The following TMF1 variants were observed in gnomAD, a reference collection of about 807,000 sequenced individuals.
TMF1 encodes the protein TATA element modulatory factor.
TMF1 carries 71 observed loss-of-function variants against 126.5 expected under a neutral mutation model. The ratio of observed to expected loss-of-function variants is 0.56; its 90% CI spans 0.46 to 0.68. TMF1 has a LOEUF of 0.68. TMF1 is among the 30% of genes least tolerant of loss of function. TMF1 has a pLI of 0.00. For missense variants in TMF1, 1,259 were observed against 1,253.2 expected, an observed-to-expected ratio of 1.00 and a Z score of -0.07; for synonymous variants, 461 against 430.5, an observed-to-expected ratio of 1.07 and a Z score of -0.88.
intron 8 of TMF1, 63 bp from the exon 9 acceptor site, chr3:69,035,178 A>C: frequency 7.6e-7 from 1 of 1,324,384 alleles, no homozygotes; most frequent in Non-Finnish European, 1.1e-6. Context: ...ACTTCCCACT[A>C]ACTACATATT....
In TMF1 at chr3:69,024,081, T is replaced by C; in HGVS notation, c.3112A>G (p.Ile1038Val). 1 of 1,608,684 alleles carries C rather than the reference T, an allele frequency of 6.2e-7. No individual in the cohort carries two copies. The highest frequency in any genetic ancestry group is 1.3e-5 in the African/African-American group (1 of 74,794). Residue 1038 changes from isoleucine (I) to valine (V), a missense_variant, in exon 16 of 17, where the codon ATA becomes GTA. Coordinates refer to ENST00000398559, the MANE Select transcript of TMF1 (RefSeq NM_007114.3). ...CTTAGCTGAGTTCTAAGTTTGGGTA[T>C]CTCCTTCACCTTCTCTTCAAGTTCA... ...NDELEEKVKE[I>V]PKLRTQLRDL...
intron 10 of TMF1, among the ~76,000 whole-genome samples, chr3:69,032,270 G>A (rs1167457986): frequency 1.3e-5 from 2 of 152,078 alleles, no homozygotes; most frequent in Non-Finnish European, 2.9e-5. Context: ...TCACCCCCCC[G>A]ATTCACAAGG....
At chr3:69,048,583 T>C (rs761481712) in intron 1 of TMF1, 21 bp from the exon 2 acceptor site, 4 of 1,539,640 alleles carry the variant, frequency 2.6e-6, no homozygotes, top group Non-Finnish European at 3.5e-6. Flanking sequence ...AAAGTAAATA[T>C]TAAAAAAGAA....
At chr3:69,048,726 T>A in intron 1 of TMF1, 164 bp from the exon 2 acceptor site, 2 of 624,012 alleles carry the variant, frequency 3.2e-6, no homozygotes, top group Non-Finnish European at 5.0e-6. Flanking sequence ...TTAAGTAGTT[T>A]CCAAGTTAAT....
intron 8 of TMF1, 149 bp downstream of exon 8, chr3:69,038,413 AAC>A: frequency 1.1e-6 from 1 of 916,006 alleles, no homozygotes; most frequent in East Asian, 2.6e-5. Context: ...AGTTTTAAAA[AAC>A]ACAACTGGTT....
intron 10 of TMF1, among the ~76,000 whole-genome samples, chr3:69,032,197 T>C (rs1213854838): frequency 3.3e-5 from 5 of 152,146 alleles, no homozygotes; most frequent in Non-Finnish European, 7.3e-5. Flanking sequence ...CCTCTCACCA[T>C]GACAGCAGCC....
At position 69,045,165 on chromosome 3, in the gene TMF1, A is replaced by C. The variant is rs182686443; in HGVS notation, c.1348-570T>G. Among the ~76,000 whole-genome samples the C allele has an allele frequency of 3.1e-4, 47 of 152,360 alleles. No homozygotes were observed. The East Asian group carries it at 6.0e-3, about 19-fold the overall frequency. ...TAAAATATGACATATTGCATTTAAA[A>C]AATAAAAGTAGGCCAGGCGCAGTGG... On this transcript the variant is annotated intron_variant, in intron 2 of 16. Coordinates refer to ENST00000398559, the MANE Select transcript of TMF1 (RefSeq NM_007114.3).
At position 69,020,831 on chromosome 3, in the gene TMF1, AAAG is replaced by A. The variant is rs2091725357; in HGVS notation, c.*2343_*2345del. 6.6e-6 allele frequency: 1 copy of A among 152,226 alleles called. No homozygotes were observed. Among genetic ancestry groups the A allele is most frequent in the African/African-American group, 2.4e-5 (1 of 41,450 alleles). 9.4% of individuals were successfully genotyped at this position (152,226 alleles called of 1,614,324 possible). On this transcript the variant is annotated 3_prime_UTR_variant, in exon 17 of 17. Coordinates refer to ENST00000398559, the MANE Select transcript of TMF1 (RefSeq NM_007114.3). ...CTAGAAATTGTTAATACGGATAAAA[AAAG>A]AATGTTTAATTTTATAAAATTGAAA...
chr3:69,022,983 TAAAGTTC>T lies in TMF1; in HGVS notation c.*187_*193del. ...AATCTTTAAAGAATAGTTTCAAAAATAAAGTTCAAATATTGCACAAAATAATTTAACT... is the reference window on the plus strand; with the variant it reads ...AATCTTTAAAGAATAGTTTCAAAAATAAATATTGCACAAAATAATTTAACT... On this transcript the variant is annotated 3_prime_UTR_variant, in exon 17 of 17. Coordinates refer to ENST00000398559, the MANE Select transcript of TMF1 (RefSeq NM_007114.3). 4.4e-6 allele frequency: 2 copies of T among 459,092 alleles called. No individual in the cohort carries two copies. Among genetic ancestry groups the T allele is most frequent in the Non-Finnish European group, 7.5e-6 (2 of 266,342 alleles). The allele number at this position is 459,092 out of a possible 1,614,324, so 28.4% of individuals were successfully genotyped here.
rs760465095 is a variant in TMF1, at chr3:69,043,793, T to G, written c.1535A>C (p.Lys512Thr). 1.8e-5 allele frequency: 29 copies of G among 1,612,622 alleles called. 2 individuals carry two copies. In the South Asian group the frequency reaches 3.2e-4, roughly 18 times the overall value. The change falls in exon 4 of 17, where the codon AAG becomes ACG. Residue 512 changes from lysine (K) to threonine (T), a missense_variant. Coordinates refer to ENST00000398559, the MANE Select transcript of TMF1 (RefSeq NM_007114.3). ...EFTQRIAEAE[K>T]KVQLACKERD... ...CTCTTTGCAGGCTAGTTGAACTTTC[T>G]TTTCTGCTTCTGCAATTCTTTGAGT...
chr3:69,034,334 A>C (rs952230936), intron 9 of TMF1, among the ~76,000 whole-genome samples: 1 of 151,774 alleles, frequency 6.6e-6, no homozygotes, highest in Admixed American at 6.6e-5. Flanking sequence ...TTAGCTGGGC[A>C]TGGTGGTGCA....
chr3:69,035,038 G>C lies in TMF1; in HGVS notation c.2229C>G (p.Ile743Met). The C allele has an allele frequency of 6.2e-7, 1 of 1,613,988 alleles. No homozygotes were observed. Among genetic ancestry groups the C allele is most frequent in the East Asian group, 2.2e-5 (1 of 44,874 alleles). ...ARKEDYLRHE[I>M]GELQQRLQEA... ...GTGACAGTACCTGCTGAAGTTCACC[G>C]ATCTCATGGCGTAAATAATCCTCCT... Residue 743 changes from isoleucine to methionine, a missense_variant, in exon 9 of 17, where the codon ATC becomes ATG. Transcript: ENST00000398559.
chr3:69,020,248 A>G lies in TMF1; in HGVS notation c.*2929T>C, dbSNP rs1315584946. ...CTACAAACTTCATGTTTCCTAGGTCAGAAGTTATCCACATTTAGAATATCT... is the reference window on the plus strand; with the variant it reads ...CTACAAACTTCATGTTTCCTAGGTCGGAAGTTATCCACATTTAGAATATCT... On this transcript the variant is annotated 3_prime_UTR_variant, in exon 17 of 17. Transcript: ENST00000398559. The G allele has an allele frequency of 1.3e-5, 2 of 152,226 alleles. No homozygotes were observed. Among genetic ancestry groups the G allele is most frequent in the Non-Finnish European group, 2.9e-5 (2 of 68,012 alleles). 9.4% of individuals were successfully genotyped at this position (152,226 alleles called of 1,614,324 possible). A position where few individuals can be genotyped will look rare whatever the true frequency, so the allele number is the denominator to read the frequency against.
Position 69,024,802 on chromosome 3 carries a change from C to CCT in TMF1, c.3013-623_3013-622insAG, listed in dbSNP as rs372549076. Reference sequence around the variant, plus strand: ...TTGAGACCAGGAATGTTTCAAATTTCTTTTTTTTTTTTTTTTTTTTTCAGA... The same window carrying CCT: ...TTGAGACCAGGAATGTTTCAAATTTCCTTTTTTTTTTTTTTTTTTTTTTCAGA... On this transcript the variant is annotated intron_variant, in intron 15 of 16. Transcript: ENST00000398559. 41 of 99,946 alleles carry CCT rather than the reference C, an allele frequency of 4.1e-4. 1 individual carries two copies. The highest frequency in any genetic ancestry group is 1.5e-3 in the African/African-American group (39 of 25,972). The allele number at this position is 99,946 out of a possible 1,614,324, so 6.2% of individuals were successfully genotyped here.
chr3:69,023,271 G>C lies in TMF1; in HGVS notation c.3188C>G (p.Ala1063Gly). The C allele has an allele frequency of 6.2e-7, 1 of 1,611,860 alleles. No individual in the cohort carries two copies. Residue 1063 changes from alanine (A) to glycine (G), a missense_variant, in exon 17 of 17, where the codon GCA becomes GGA. By Grantham distance (60) the Ala-to-Gly change is moderately conservative. Coordinates refer to ENST00000398559, the MANE Select transcript of TMF1 (RefSeq NM_007114.3). ...TAATCGAAGTTCTTCTGCCTCTTCT[G>C]CTTTTTCTCCATACATCTGCAGAAT... ...NTILQMYGEK[A>G]EEAEELRLDL...
chr3:69,027,917 C>G lies in TMF1; in HGVS notation c.2740G>C (p.Glu914Gln), dbSNP rs752650242. ...QERKKAIFTQ[E>Q]TIKEKERKPF... is the part of the protein sequence containing the mutation. ...TTCAATACCTTTTCTTTTATTGTTT[C>G]TTGAGTAAAAATGGCTTTCTTCCTT... The change falls in exon 13 of 17, where the codon GAA (glutamate) becomes CAA (glutamine). Residue 914 changes from glutamate (E) to glutamine (Q), a missense_variant. Transcript: ENST00000398559. 1 of 1,570,298 alleles carries G rather than the reference C, an allele frequency of 6.4e-7. No individual in the cohort carries two copies. Among genetic ancestry groups the G allele is most frequent in the Non-Finnish European group, 8.7e-7 (1 of 1,143,860 alleles).
At chr3:69,041,335 A>G (rs1454049409) in intron 5 of TMF1, among the ~76,000 whole-genome samples, 2 of 152,302 alleles carry the variant, frequency 1.3e-5, no homozygotes, top group East Asian at 3.9e-4. Flanking sequence ...CTAAGCCCCT[A>G]AAGGACAGAG....
At position 69,052,024 on chromosome 3, in the gene TMF1, C is replaced by T. The variant is rs778345911; in HGVS notation, c.63G>A (p.Gln21=). The T allele has an allele frequency of 2.4e-5, 38 of 1,613,912 alleles. No homozygotes were observed. Among genetic ancestry groups the T allele is most frequent in the Middle Eastern group, 3.3e-4 (2 of 6,084 alleles). The change falls in exon 1 of 17, where the codon CAG becomes CAA. Residue 21 remains glutamine, a synonymous_variant. Coordinates refer to ENST00000398559, the MANE Select transcript of TMF1 (RefSeq NM_007114.3). ...SFAKQALSQA[Q]KSIDRVLDIQ... is the part of the protein sequence containing the mutation. The stretch of plus-strand genomic sequence containing the variant: ...TGTCCAGAACCCTGTCAATAGACTT[C>T]TGGGCCTGGGACAGGGCCTGCTTAG...
At chr3:69,051,342 G>C (rs1328513963) in intron 1 of TMF1, among the ~76,000 whole-genome samples, 1 of 152,124 alleles carries the variant, frequency 6.6e-6, no homozygotes, top group African/African-American at 2.4e-5. Flanking sequence ...GGGCGTGGTG[G>C]TGGGCGCCTG....
Sources: allele counts gnomAD v4.1 joint callset (sites outside exome capture counted in the v4.1 genomes callset), GRCh38; gene constraint gnomAD v4.1.1; transcripts MANE v1.5; gene names NCBI Gene and HGNC (gene_info 2026-07-23, HGNC 2026-07-21).